The following C12orf42 variants were observed in gnomAD, a reference collection of about 807,000 sequenced individuals.
The protein encoded by C12orf42 is uncharacterized protein C12orf42.
A neutral mutation model predicts 21.6 loss-of-function variants in C12orf42; 25 were observed. The observed-to-expected ratio is 1.16, with a 90% CI of 0.84 to 1.62. C12orf42 has a LOEUF of 1.62. Ranked by LOEUF, C12orf42 falls within the 40% of genes most tolerant of loss-of-function variation. C12orf42 has a pLI of 0.00. For missense variants in C12orf42, 483 were observed against 459.3 expected, an observed-to-expected ratio of 1.05 and a Z score of -0.47; for synonymous variants, 174 against 175.0, an observed-to-expected ratio of 0.99 and a Z score of 0.05.
intron 5 of C12orf42, among the ~76,000 whole-genome samples, chr12:103,271,215 A>C (rs1593251539): frequency 6.6e-6 from 1 of 152,120 alleles, no homozygotes; most frequent in South Asian, 2.1e-4. Context: ...TGTCGTGTGC[A>C]CCCTAAGCTA....
chr12:103,378,178 T>C (rs1460412415), intron 3 of C12orf42, among the ~76,000 whole-genome samples: 5 of 152,168 alleles, frequency 3.3e-5, no homozygotes, highest in African/African-American at 1.2e-4. Flanking sequence ...ATTTGCAGCA[T>C]ACCATTCAGA....
intron 2 of C12orf42, among the ~76,000 whole-genome samples, chr12:103,419,107 G>A (rs940773260): frequency 3.3e-5 from 5 of 152,132 alleles, no homozygotes; most frequent in East Asian, 1.9e-4. Context: ...AGAGCTGCAC[G>A]TACAAATGCT....
intron 10 of C12orf42, among the ~76,000 whole-genome samples, chr12:103,241,317 G>A (rs907299210): frequency 6.6e-6 from 1 of 152,018 alleles, no homozygotes; most frequent in Non-Finnish European, 1.5e-5. Context: ...TTCCATTTTA[G>A]TGGATTAGTC....
intron 2 of C12orf42, among the ~76,000 whole-genome samples, chr12:103,459,852 C>T (rs1952570630): frequency 6.6e-6 from 1 of 152,228 alleles, no homozygotes; most frequent in African/African-American, 2.4e-5. Flanking sequence ...GGCCTTGCCA[C>T]AGCTGAGCTT....
At chr12:103,315,114 A>G (rs369489210) in intron 4 of C12orf42, among the ~76,000 whole-genome samples, 17 of 152,196 alleles carry the variant, frequency 1.1e-4, no homozygotes, top group African/African-American at 3.6e-4. Context: ...TTAACATAAA[A>G]CCTCATACTA....
the C12orf42 span, among the ~76,000 whole-genome samples, chr12:103,181,198 G>A: frequency 6.6e-6 from 1 of 151,882 alleles, no homozygotes; most frequent in African/African-American, 2.4e-5. Context: ...GGAGGCAGAG[G>A]TTGCAGTCAG....
chr12:103,220,844 C>A, the C12orf42 span, among the ~76,000 whole-genome samples: 3 of 152,326 alleles, frequency 2.0e-5, no homozygotes, highest in East Asian at 3.9e-4. Flanking sequence ...ATGAAACATT[C>A]TTGAACAATT....
chr12:103,453,636 A>G (rs373955833), intron 2 of C12orf42, among the ~76,000 whole-genome samples: 2 of 152,082 alleles, frequency 1.3e-5, no homozygotes, highest in East Asian at 1.9e-4. Flanking sequence ...TTAATTATAT[A>G]CGTTGTAAAG....
the C12orf42 span, among the ~76,000 whole-genome samples, chr12:103,147,623 CTTTTTT>C: frequency 8.1e-5 from 8 of 99,282 alleles, no homozygotes; most frequent in South Asian, 2.0e-3. Context: ...TTCTCTCTCT[CTTTTTT>C]TTTTTTTTTT....
chr12:103,239,200 C>A (rs2033608297), intron 10 of C12orf42, among the ~76,000 whole-genome samples: 1 of 152,182 alleles, frequency 6.6e-6, no homozygotes, highest in African/African-American at 2.4e-5. Context: ...ACTTAAAATA[C>A]TGCTTAAAAC....
intron 5 of C12orf42, among the ~76,000 whole-genome samples, chr12:103,272,183 G>A (rs2035512798): frequency 6.6e-6 from 1 of 152,230 alleles, no homozygotes; most frequent in East Asian, 1.9e-4. Flanking sequence ...ATAAACACAG[G>A]TAGGAAGAGG....
chr12:103,172,772 AAAG>A, the C12orf42 span, among the ~76,000 whole-genome samples: 38 of 152,302 alleles, frequency 2.5e-4, no homozygotes, highest in Non-Finnish European at 4.7e-4. Context: ...ATTTTATCCA[AAAG>A]AAGAACATAG....
intron 2 of C12orf42, among the ~76,000 whole-genome samples, chr12:103,460,842 T>C (rs1329840920): frequency 6.6e-6 from 1 of 152,192 alleles, no homozygotes; most frequent in Non-Finnish European, 1.5e-5. Context: ...ATTTGGATAC[T>C]GTGTAAGGTC....
At chr12:103,260,084 C>T (rs2034817745) in intron 10 of C12orf42, among the ~76,000 whole-genome samples, 1 of 151,956 alleles carries the variant, frequency 6.6e-6, no homozygotes, top group Non-Finnish European at 1.5e-5. Flanking sequence ...ACATTTTCAG[C>T]CTTAAAATAG....
chr12:103,505,541 A>T, the C12orf42 span: 1 of 383,240 alleles, frequency 2.6e-6, no homozygotes, highest in Non-Finnish European at 4.9e-6. Context: ...CAGCCACAGG[A>T]GAAATGAACA....
At chr12:103,463,822 G>C (rs1366116999) in intron 2 of C12orf42, among the ~76,000 whole-genome samples, 2 of 152,154 alleles carry the variant, frequency 1.3e-5, no homozygotes, top group African/African-American at 4.8e-5. Context: ...AGAATATGCA[G>C]TGTTTGAATT....
chr12:103,294,351 T>A, intron 4 of C12orf42, among the ~76,000 whole-genome samples: 2 of 97,434 alleles, frequency 2.1e-5, no homozygotes, highest in Non-Finnish European at 2.1e-5. Context: ...AGCCTAAACA[T>A]GGCAGAAAAA....
intron 4 of C12orf42, among the ~76,000 whole-genome samples, chr12:103,318,360 G>C (rs1238766857): frequency 1.3e-5 from 2 of 152,084 alleles, no homozygotes; most frequent in African/African-American, 4.8e-5. Context: ...ATGTACCCTA[G>C]TTTCTCTAGG....
chr12:103,058,009 G>T, the C12orf42 span, among the ~76,000 whole-genome samples: 5 of 149,566 alleles, frequency 3.3e-5, no homozygotes, highest in Non-Finnish European at 4.4e-5. Context: ...AGGCTGCAGT[G>T]CAGTGGCATG....
Sources: gnomAD v4.1 joint callset for allele counts (sites outside exome capture counted in the v4.1 genomes callset) on GRCh38, gnomAD v4.1.1 for gene constraint, MANE v1.5 for transcripts, NCBI Gene and HGNC (gene_info 2026-07-23, HGNC 2026-07-21) for gene names.